Variants in PLXNC1 observed in about 807,000 individuals in gnomAD.
PLXNC1 encodes plexin C1.
PLXNC1 carries 75 observed loss-of-function variants against 178.2 expected under a neutral mutation model. The ratio of observed to expected loss-of-function variants is 0.42; its 90% confidence interval spans 0.35 to 0.51. The LOEUF is 0.51. Ranked by LOEUF, PLXNC1 falls within the 20% of genes least tolerant of loss-of-function variation. The pLI is 0.02. For missense variants in PLXNC1, 1,503 were observed against 1,984.4 expected, an observed-to-expected ratio of 0.76 and a Z score of 4.61; for synonymous variants, 790 against 779.9, an observed-to-expected ratio of 1.01 and a Z score of -0.22.
At chr12:94,196,135 C>G (rs1962904825) in intron 4 of PLXNC1, among the ~76,000 whole-genome samples, 1 of 152,136 alleles carries the variant, frequency 6.6e-6, no homozygotes, top group South Asian at 2.1e-4. Context: ...CTTCAGTAGC[C>G]TGAGTTAGTC....
Position 94,240,663 on chromosome 12 carries a change from A to G in PLXNC1, c.2299A>G (p.Ser767Gly). The G allele has an allele frequency of 6.2e-7, 1 of 1,607,312 alleles. No individual in the cohort carries two copies. The highest frequency in any genetic ancestry group is 1.1e-5 in the South Asian group (1 of 90,534). Residue 767 changes from serine to glycine, a missense_variant and splice_region_variant, in exon 11 of 31, where the codon AGT becomes GGT. Coordinates refer to ENST00000258526, the MANE Select transcript of PLXNC1 (RefSeq NM_005761.3). Reference sequence around the variant, plus strand: ...TATATTTCCTGCTACCACCTGGATCAGGTACTTTCTAGATTCATAATCTTT... The same window carrying G: ...TATATTTCCTGCTACCACCTGGATCGGGTACTTTCTAGATTCATAATCTTT... ...SLIFPATTWI[S>G]GGQNITMMGR...
intron 1 of PLXNC1, among the ~76,000 whole-genome samples, chr12:94,163,409 C>T (rs1961467084): frequency 6.6e-6 from 1 of 152,084 alleles, no homozygotes; most frequent in South Asian, 2.1e-4. Flanking sequence ...TTCACGCTAT[C>T]TGCCATTCAT....
intron 20 of PLXNC1, among the ~76,000 whole-genome samples, chr12:94,262,135 A>G (rs1227314469): frequency 6.6e-6 from 1 of 152,180 alleles, no homozygotes. Context: ...CTGCCCCACC[A>G]CAGTCTCACT....
chr12:94,255,472 A>C (rs1316888045), intron 17 of PLXNC1, among the ~76,000 whole-genome samples, 176 bp downstream of exon 17: 1 of 152,244 alleles, frequency 6.6e-6, no homozygotes, highest in Non-Finnish European at 1.5e-5. Flanking sequence ...TGCATTGATT[A>C]GGGTATAAAA....
intron 6 of PLXNC1, among the ~76,000 whole-genome samples, chr12:94,223,128 T>C (rs190968810): frequency 1.1e-3 from 163 of 152,228 alleles, no homozygotes; most frequent in African/African-American, 3.4e-3. Flanking sequence ...AAAAGCACCC[T>C]CTCGGCCAGG....
chr12:94,182,152 A>G (rs1962331179), intron 3 of PLXNC1, among the ~76,000 whole-genome samples: 1 of 152,230 alleles, frequency 6.6e-6, no homozygotes, highest in Non-Finnish European at 1.5e-5. Flanking sequence ...ACTAATTGTT[A>G]ATGAGTCTCT....
At chr12:94,239,668 C>T (rs1964328971) in intron 10 of PLXNC1, among the ~76,000 whole-genome samples, 1 of 152,160 alleles carries the variant, frequency 6.6e-6, no homozygotes, top group Non-Finnish European at 1.5e-5. Context: ...CAGGTGACAG[C>T]GGGAATGTCG....
intron 4 of PLXNC1, among the ~76,000 whole-genome samples, chr12:94,204,241 G>A (rs1402661075): frequency 6.6e-6 from 1 of 152,186 alleles, no homozygotes; most frequent in Non-Finnish European, 1.5e-5. Flanking sequence ...AGGCTACACT[G>A]CCTGACTTAG....
intron 1 of PLXNC1, among the ~76,000 whole-genome samples, chr12:94,150,442 C>G (rs1013845970): frequency 6.6e-6 from 1 of 152,200 alleles, no homozygotes; most frequent in Non-Finnish European, 1.5e-5. Flanking sequence ...TGGGTCTGAC[C>G]CTCTTGGTCA....
chr12:94,233,167 T>C (rs894820197), intron 9 of PLXNC1, among the ~76,000 whole-genome samples: 2 of 151,826 alleles, frequency 1.3e-5, no homozygotes, highest in African/African-American at 4.8e-5. Context: ...TGGGGCAGGG[T>C]GTGGTCCGAG....
At chr12:94,252,154 A>G (rs1012637069) in intron 15 of PLXNC1, among the ~76,000 whole-genome samples, 5 of 152,174 alleles carry the variant, frequency 3.3e-5, no homozygotes, top group Non-Finnish European at 7.3e-5. Context: ...TAATTCCCCA[A>G]GAACTTCTCT....
intron 23 of PLXNC1, among the ~76,000 whole-genome samples, chr12:94,293,441 A>G (rs1040227091): frequency 3.3e-5 from 5 of 152,216 alleles, no homozygotes; most frequent in African/African-American, 9.7e-5. Flanking sequence ...ATAACAGAAT[A>G]CCATTGACTG....
chr12:94,156,224 T>C lies in PLXNC1; in HGVS notation c.1062+6191T>C, dbSNP rs79357948. On this transcript the variant is annotated intron_variant, in intron 1 of 30. Transcript: ENST00000258526. ...ATGTCTGTGTTTACTATCATCACCA[T>C]CATTACTACTAATAGTGTTAGGACG... 3.9e-3 allele frequency among the ~76,000 whole-genome samples: 597 copies of C among 152,358 alleles called. 1 individual carries two copies. The highest frequency in any genetic ancestry group is 0.014 in the African/African-American group (583 of 41,580).
chr12:94,170,957 C>T (rs1337441357), intron 2 of PLXNC1, among the ~76,000 whole-genome samples: 1 of 152,200 alleles, frequency 6.6e-6, no homozygotes, highest in Non-Finnish European at 1.5e-5. Context: ...GCGGGAGTTT[C>T]CATCAAGCCT....
At chr12:94,228,535 G>T (rs201883514) in intron 9 of PLXNC1, among the ~76,000 whole-genome samples, 1 of 152,098 alleles carries the variant, frequency 6.6e-6, no homozygotes, top group East Asian at 1.9e-4. Flanking sequence ...TTGCAAAACT[G>T]AAACTCTATG....
intron 5 of PLXNC1, 82 bp downstream of exon 5, chr12:94,209,786 T>C: frequency 1.2e-6 from 1 of 846,740 alleles, no homozygotes. Context: ...GTGTGTAAAA[T>C]ATCCATTAGC....
At chr12:94,188,399 T>C (rs1962599262) in intron 4 of PLXNC1, among the ~76,000 whole-genome samples, 1 of 147,932 alleles carries the variant, frequency 6.8e-6, no homozygotes, top group Non-Finnish European at 1.5e-5. Flanking sequence ...CTTGGCTCAC[T>C]GCAACCTCCA....
In PLXNC1 at chr12:94,168,584, A is replaced by G. The variant is rs1592726872; in HGVS notation, c.1063-569A>G. Among the ~76,000 whole-genome samples the G allele has an allele frequency of 1.3e-5, 2 of 152,084 alleles. 1 individual carries two copies. Among genetic ancestry groups the G allele is most frequent in the African/African-American group, 4.8e-5 (2 of 41,412 alleles). On this transcript the variant is annotated intron_variant, in intron 1 of 30. Coordinates refer to ENST00000258526, the MANE Select transcript of PLXNC1 (RefSeq NM_005761.3). ...CTCCTTAGCTCTGTGGCTCGATCCT[A>G]CCCATCGTCCACAACTGTATCTTTA...
intron 5 of PLXNC1, 119 bp downstream of exon 5, chr12:94,209,823 C>A: frequency 1.5e-6 from 1 of 646,308 alleles, no homozygotes; most frequent in Non-Finnish European, 2.8e-6. Context: ...TGATAGCACT[C>A]CATTCATTTA....
Sources: allele counts gnomAD v4.1 joint callset (sites outside exome capture counted in the v4.1 genomes callset), GRCh38; gene constraint gnomAD v4.1.1; transcripts MANE v1.5; gene names NCBI Gene and HGNC (gene_info 2026-07-23, HGNC 2026-07-21).